Variants in ATP2A1 observed in about 807,000 individuals in gnomAD.
ATP2A1 encodes the protein ATPase sarcoplasmic/endoplasmic reticulum Ca2+ transporting 1.
A neutral mutation model predicts 109.5 loss-of-function variants in ATP2A1; 83 were observed. That is an observed-to-expected ratio of 0.76 (90% CI 0.63 to 0.91). The LOEUF (loss-of-function observed/expected upper bound fraction) is 0.91. Ranked by LOEUF, ATP2A1 falls within the 40% of genes least tolerant of loss-of-function variation. The pLI is 0.00. For missense variants in ATP2A1, 1,101 were observed against 1,341.0 expected, an observed-to-expected ratio of 0.82 and a Z score of 2.80; for synonymous variants, 505 against 537.6, an observed-to-expected ratio of 0.94 and a Z score of 0.84.
At chr16:28,901,722 T>C in intron 15 of ATP2A1, 141 bp from the exon 16 acceptor site, 1 of 761,534 alleles carries the variant, frequency 1.3e-6, no homozygotes. Flanking sequence ...TTTGGGAGGC[T>C]GAGGCAGGAG....
rs1299033220 is a variant in ATP2A1, at chr16:28,884,673, G to T, written c.544+18G>T. On this transcript the variant is annotated intron_variant, in intron 6 of 22. Coordinates refer to ENST00000395503, the MANE Select transcript of ATP2A1 (RefSeq NM_004320.6). ...CCTGACAGGTCTGCTGGCCTGGGTG[G>T]GAAGATGCATGGGGGTGGGACGTGG... The T allele has an allele frequency of 1.2e-6, 2 of 1,609,110 alleles. No homozygotes were observed. The highest frequency in any genetic ancestry group is 3.3e-5 in the Admixed American group (2 of 59,878).
At position 28,902,318 on chromosome 16, in the gene ATP2A1, G is replaced by GCC. The variant is rs751365374; in HGVS notation, c.2463_2464dup (p.Arg822ProfsTer50). The GCC allele has an allele frequency of 1.9e-6, 3 of 1,612,798 alleles. No individual in the cohort carries two copies. ...CCACCAGACCTGGACATCATGGACC[G>GCC]CCCCCCCCGGAGCCCCAAGGAGCCC... On this transcript the variant is annotated frameshift_variant, in exon 17 of 23. Coordinates refer to ENST00000395503, the MANE Select transcript of ATP2A1 (RefSeq NM_004320.6). LOFTEE classifies it high-confidence loss of function. The surrounding 1 kb of genome is among the most constrained non-coding windows in gnomAD (Gnocchi z 4.8).
chr16:28,886,222 AGTT>A (rs1963610683), intron 6 of ATP2A1, among the ~76,000 whole-genome samples: 1 of 152,268 alleles, frequency 6.6e-6, no homozygotes, highest in East Asian at 1.9e-4. Context: ...CTGTAGTCCC[AGTT>A]GTTTGGGAGG....
intron 14 of ATP2A1, among the ~76,000 whole-genome samples, chr16:28,899,649 C>CG (rs1424779413): frequency 2.3e-5 from 2 of 85,550 alleles, no homozygotes; most frequent in Non-Finnish European, 4.5e-5. Flanking sequence ...CTGCGCCCGC[C>CG]CCCCCCCCCC....
Position 28,898,799 on chromosome 16 carries a change from A to G in ATP2A1, c.1764+348A>G, listed in dbSNP as rs1963988724. Among the ~76,000 whole-genome samples the G allele has an allele frequency of 6.6e-6, 1 of 152,146 alleles. No individual in the cohort carries two copies. Among genetic ancestry groups the G allele is most frequent in the Admixed American group, 6.5e-5 (1 of 15,272 alleles). ...ATTCATAGGGGTCTGGGTAAAAAGT[A>G]AAATACATTTTTAAAAATGTTAAAA... On this transcript the variant is annotated intron_variant, in intron 14 of 22. Coordinates refer to ENST00000395503, the MANE Select transcript of ATP2A1 (RefSeq NM_004320.6). The surrounding 1 kb of genome is among the most constrained non-coding windows in gnomAD (Gnocchi z 4.0).
chr16:28,884,712 A>C lies in ATP2A1; in HGVS notation c.544+57A>C, dbSNP rs1250101841. 15 of 1,493,814 alleles carry C rather than the reference A, an allele frequency of 1.0e-5. No homozygotes were observed. In the South Asian group the frequency reaches 1.3e-4, roughly 13 times the overall value. The allele number at this position is 1,493,814 out of a possible 1,614,324, so 92.5% of individuals were successfully genotyped here. On this transcript the variant is annotated intron_variant, in intron 6 of 22. Coordinates refer to ENST00000395503, the MANE Select transcript of ATP2A1 (RefSeq NM_004320.6). ...GGTGGGACGTGGGGAGGAAGAGGCA[A>C]CAAGGGGGAGGTGAGTGGAAAGACA...
rs755515160 is a variant in ATP2A1 at position 28,902,706 on chromosome 16, G to A, written c.2610+41G>A. The stretch of plus-strand genomic sequence containing the variant: ...AAAGGAGGGGACCAGGAGGGTGTGG[G>A]GATGCAGGAGGGTACCAGGAGGGTG... On this transcript the variant is annotated intron_variant, in intron 18 of 22. Coordinates refer to ENST00000395503, the MANE Select transcript of ATP2A1 (RefSeq NM_004320.6). This position sits in a 1 kb window ranked among gnomAD's most constrained non-coding sequence, Gnocchi z 4.8. 8 of 1,613,772 alleles carry A rather than the reference G, an allele frequency of 5.0e-6. No homozygotes were observed. The highest frequency in any genetic ancestry group is 6.8e-6 in the Non-Finnish European group (8 of 1,179,892).
chr16:28,891,530 C>T (rs1963773131), intron 9 of ATP2A1, among the ~76,000 whole-genome samples: 1 of 135,166 alleles, frequency 7.4e-6, no homozygotes, highest in Non-Finnish European at 1.5e-5. Context: ...AAGGCAGAGG[C>T]GGTGAGCTGA....
chr16:28,891,498 CAGG>C (rs1441395899), intron 9 of ATP2A1, among the ~76,000 whole-genome samples: 1 of 143,000 alleles, frequency 7.0e-6, no homozygotes, highest in African/African-American at 2.7e-5. Flanking sequence ...GAGGCTGAGG[CAGG>C]AGAATTGCTT....
At chr16:28,890,291 C>T (rs1420352527) in intron 9 of ATP2A1, among the ~76,000 whole-genome samples, 1 of 124,070 alleles carries the variant, frequency 8.1e-6, no homozygotes, top group East Asian at 2.2e-4. Flanking sequence ...TCCGTCTCTA[C>T]CAAAAAAAAA....
chr16:28,878,605 A>G lies in ATP2A1; in HGVS notation c.-67A>G. On this transcript the variant is annotated 5_prime_UTR_variant, in exon 1 of 23. Coordinates refer to ENST00000395503, the MANE Select transcript of ATP2A1 (RefSeq NM_004320.6). ...GACAGGCAGTTGGACACACTGAGGAAGACCCCCCACGAGTGGGAACCCCCT... is the reference window on the plus strand; with the variant it reads ...GACAGGCAGTTGGACACACTGAGGAGGACCCCCCACGAGTGGGAACCCCCT... 2 of 1,326,474 alleles carry G rather than the reference A, an allele frequency of 1.5e-6. No homozygotes were observed. Among genetic ancestry groups the G allele is most frequent in the Non-Finnish European group, 2.1e-6 (2 of 941,244 alleles). 82.2% of individuals were successfully genotyped at this position (1,326,474 alleles called of 1,614,324 possible).
At chr16:28,885,063 A>AC (rs1963581521) in intron 6 of ATP2A1, among the ~76,000 whole-genome samples, 1 of 152,086 alleles carries the variant, frequency 6.6e-6, no homozygotes, top group Admixed American at 6.5e-5. Flanking sequence ...ACATGGTGAA[A>AC]CCCCATCTCT....
rs1174262124 is a variant in ATP2A1 at position 28,880,937 on chromosome 16, G to A, written c.242G>A (p.Gly81Asp). 1 of 1,614,222 alleles carries A rather than the reference G, an allele frequency of 6.2e-7. No individual in the cohort carries two copies. The highest frequency in any genetic ancestry group is 1.7e-5 in the Admixed American group (1 of 60,030). Residue 81 changes from glycine to aspartate, a missense_variant, in exon 4 of 23, where the codon GGT (glycine) becomes GAT (aspartate). By Grantham distance (94) the Gly-to-Asp change is moderately conservative. Coordinates refer to ENST00000395503, the MANE Select transcript of ATP2A1 (RefSeq NM_004320.6). The surrounding 1 kb of genome is among the most constrained non-coding windows in gnomAD (Gnocchi z 4.2). ...CAGGTGCTGGCCTGGTTTGAGGAAG[G>A]TGAAGAGACCATCACTGCCTTTGTT... ...ISFVLAWFEEGEETITAFVEP... is the reference protein window; with the variant it reads ...ISFVLAWFEEDEETITAFVEP...
intron 9 of ATP2A1, chr16:28,892,314 G>T (rs774804060): frequency 2.1e-5 from 7 of 328,208 alleles, no homozygotes; most frequent in Non-Finnish European, 3.8e-5. Flanking sequence ...GCTCCTTGCA[G>T]GGTCTTCCAC....
chr16:28,880,175 C>A lies in ATP2A1; in HGVS notation c.219+592C>A. The A allele has an allele frequency of 1.0e-6, 1 of 976,968 alleles. No individual in the cohort carries two copies. The highest frequency in any genetic ancestry group is 1.2e-6 in the Non-Finnish European group (1 of 820,692). 60.5% of individuals were successfully genotyped at this position (976,968 alleles called of 1,614,324 possible). A position where few individuals can be genotyped will look rare whatever the true frequency, so the allele number is the denominator to read the frequency against. The stretch of plus-strand genomic sequence containing the variant: ...CCCGCGCTCCCTAGGCACCCCCACC[C>A]CCGCAGGGCATCTCCAGGGCTCTGC... On this transcript the variant is annotated intron_variant, in intron 3 of 22. Transcript: ENST00000395503. The surrounding 1 kb of genome is among the most constrained non-coding windows in gnomAD (Gnocchi z 4.2).
In ATP2A1 at chr16:28,904,332, T is replaced by C; in HGVS notation, c.*190T>C. The C allele has an allele frequency of 2.9e-5, 46 of 1,570,874 alleles. No individual in the cohort carries two copies. Among genetic ancestry groups the C allele is most frequent in the Non-Finnish European group, 4.0e-5 (46 of 1,162,236 alleles). ...TGTTTATAAACATGTCCCCTTCCCT[T>C]TCCTTCCCCCTCGGCCACCCGCCTC... On this transcript the variant is annotated 3_prime_UTR_variant, in exon 23 of 23. Coordinates refer to ENST00000395503, the MANE Select transcript of ATP2A1 (RefSeq NM_004320.6).
At chr16:28,879,358 C>G (rs898092200) in intron 2 of ATP2A1, 143 bp from the exon 3 acceptor site, 5 of 903,884 alleles carry the variant, frequency 5.5e-6, no homozygotes, top group Non-Finnish European at 9.0e-6. Context: ...TCCAGGCGAG[C>G]TTCTTAGCCC....
At position 28,878,502 on chromosome 16, in the gene ATP2A1, G is replaced by C; in HGVS notation, c.-170G>C. 2 of 686,364 alleles carry C rather than the reference G, an allele frequency of 2.9e-6. No homozygotes were observed. Among genetic ancestry groups the C allele is most frequent in the Non-Finnish European group, 5.2e-6 (2 of 388,148 alleles). The allele number at this position is 686,364 out of a possible 1,614,324, so 42.5% of individuals were successfully genotyped here. ...GGCCGGGGGGTGGCCGGCTGCTCAA[G>C]TGGGACGGGGGTCAGAGCTTTGTGG... On this transcript the variant is annotated 5_prime_UTR_variant, in exon 1 of 23. Coordinates refer to ENST00000395503, the MANE Select transcript of ATP2A1 (RefSeq NM_004320.6).
intron 5 of ATP2A1, 146 bp downstream of exon 5, chr16:28,882,735 G>C (rs1472886094): frequency 8.1e-7 from 1 of 1,230,976 alleles, no homozygotes; most frequent in Non-Finnish European, 1.1e-6. Flanking sequence ...GGTCATCCCA[G>C]GCCACTCCGG....
Sources: allele counts gnomAD v4.1 joint callset (sites outside exome capture counted in the v4.1 genomes callset), GRCh38; gene constraint gnomAD v4.1.1; non-coding constraint Gnocchi (gnomAD v3.1); transcripts MANE v1.5; gene names NCBI Gene and HGNC (gene_info 2026-07-23, HGNC 2026-07-21).